The following RIMS1 variants were observed in gnomAD, a reference collection of about 807,000 sequenced individuals.
RIMS1 encodes regulating synaptic membrane exocytosis protein 1.
RIMS1 carries 83 observed loss-of-function variants against 214.1 expected under a neutral mutation model. That is an observed-to-expected ratio of 0.39 (90% confidence interval 0.32 to 0.47). The LOEUF is 0.47. Among genes scored for constraint, RIMS1 ranks in the 20% least tolerant of loss-of-function variants. The pLI is 0.99. For missense variants in RIMS1, 2,050 were observed against 2,161.8 expected (o/e 0.95, Z 1.03); for synonymous variants, 793 against 786.8 (o/e 1.01, Z -0.13).
chr6:71,946,948 G>T (rs1264965369), intron 1 of RIMS1, among the ~76,000 whole-genome samples: 1 of 151,910 alleles, frequency 6.6e-6, no homozygotes, highest in African/African-American at 2.4e-5. Context: ...GTAGCAAAAA[G>T]ATAAATAACC....
chr6:72,354,390 T>A (rs761980390), intron 29 of RIMS1, among the ~76,000 whole-genome samples: 1 of 152,214 alleles, frequency 6.6e-6, no homozygotes, highest in Non-Finnish European at 1.5e-5. Flanking sequence ...CAATTTTTTT[T>A]AATTTTTGTA....
chr6:72,030,017 A>G (rs150452655), intron 2 of RIMS1, among the ~76,000 whole-genome samples: 1 of 152,316 alleles, frequency 6.6e-6, no homozygotes, highest in East Asian at 1.9e-4. Context: ...ACATGCAAGT[A>G]AGGACCCGAG....
rs2072635383 is a variant in RIMS1 at position 72,250,350 on chromosome 6, A to G, written c.2262A>G (p.Lys754=). 1 of 1,608,876 alleles carries G rather than the reference A, an allele frequency of 6.2e-7. No homozygotes were observed. The highest frequency in any genetic ancestry group is 8.5e-7 in the Non-Finnish European group (1 of 1,177,848). Residue 754 remains lysine, a synonymous_variant, in exon 13 of 34, where the codon AAA becomes AAG. Coordinates refer to ENST00000521978, the MANE Select transcript of RIMS1 (RefSeq NM_014989.7). ...CCTAGGTGAAGTTGTGGTATGATAA[A>G]GTGGGACACCAGCTGATTGTAAATG... ...GQLSVKLWYD[K]VGHQLIVNVL...
intron 2 of RIMS1, among the ~76,000 whole-genome samples, chr6:72,058,845 C>G (rs1331547818): frequency 6.6e-6 from 1 of 152,112 alleles, no homozygotes; most frequent in African/African-American, 2.4e-5. Context: ...AAGCAGTGCA[C>G]TTGGTCTGAA....
intron 8 of RIMS1, among the ~76,000 whole-genome samples, 177 bp from the exon 9 acceptor site, chr6:72,237,646 A>G (rs1282940333): frequency 6.6e-6 from 1 of 151,390 alleles, no homozygotes; most frequent in Non-Finnish European, 1.5e-5. Flanking sequence ...ACTGCATTCC[A>G]TCCTGGGTGA....
At chr6:72,157,692 A>C (rs2044627294) in intron 4 of RIMS1, among the ~76,000 whole-genome samples, 1 of 140,172 alleles carries the variant, frequency 7.1e-6, no homozygotes, top group African/African-American at 2.5e-5. Context: ...TAATTAGCAA[A>C]TCATTGGCTT....
intron 27 of RIMS1, 71 bp downstream of exon 27, chr6:72,307,441 GA>G: frequency 2.1e-6 from 2 of 942,456 alleles, no homozygotes; most frequent in Non-Finnish European, 3.2e-6. Flanking sequence ...GGCAGGATTA[GA>G]AAGCACCGAA....
chr6:72,072,883 C>G (rs969478769), intron 2 of RIMS1, among the ~76,000 whole-genome samples: 2 of 152,208 alleles, frequency 1.3e-5, no homozygotes, highest in Admixed American at 6.5e-5. Flanking sequence ...CTGAATTGTT[C>G]TGTCTCCTTG....
At chr6:72,220,199 G>C (rs925848782) in intron 6 of RIMS1, among the ~76,000 whole-genome samples, 1 of 152,048 alleles carries the variant, frequency 6.6e-6, no homozygotes, top group African/African-American at 2.4e-5. Context: ...AATTCTGGGA[G>C]CTAAAGGTAA....
rs537577899 is a variant in RIMS1 at position 72,042,397 on chromosome 6, C to T, written c.246-54552C>T. 7.2e-5 allele frequency among the ~76,000 whole-genome samples: 11 copies of T among 151,906 alleles called. 1 individual carries two copies. In the South Asian group the frequency reaches 2.3e-3, roughly 32 times the overall value. On this transcript the variant is annotated intron_variant, in intron 2 of 33. Transcript: ENST00000521978. ...TTACTTACAAAGATTTTTTAAGATA[C>T]TGGATAAATATAAAACAGTTATAAA...
chr6:72,123,777 A>C (rs139829295), intron 4 of RIMS1, among the ~76,000 whole-genome samples: 1 of 151,730 alleles, frequency 6.6e-6, no homozygotes, highest in Non-Finnish European at 1.5e-5. Context: ...CTGTTTTATC[A>C]GAGACTAGGA....
intron 4 of RIMS1, among the ~76,000 whole-genome samples, chr6:72,114,639 T>A (rs2036721767): frequency 6.6e-6 from 1 of 152,000 alleles, no homozygotes; most frequent in Non-Finnish European, 1.5e-5. Context: ...GTGCTGAAAG[T>A]ATAGTAAGCA....
At chr6:72,030,489 T>C (rs954284505) in intron 2 of RIMS1, among the ~76,000 whole-genome samples, 1 of 152,182 alleles carries the variant, frequency 6.6e-6, no homozygotes, top group African/African-American at 2.4e-5. Context: ...ATGTTAAAAT[T>C]TATAATTGCA....
At chr6:72,150,001 A>G (rs1033579888) in intron 4 of RIMS1, among the ~76,000 whole-genome samples, 2 of 152,192 alleles carry the variant, frequency 1.3e-5, no homozygotes, top group African/African-American at 4.8e-5. Flanking sequence ...TCCAAGAAGA[A>G]TGAGGTTACA....
chr6:72,039,816 T>C (rs191134269), intron 2 of RIMS1, among the ~76,000 whole-genome samples: 4 of 152,182 alleles, frequency 2.6e-5, no homozygotes, highest in East Asian at 1.9e-4. Flanking sequence ...GAGACACTTA[T>C]CTAATACAGG....
intron 6 of RIMS1, among the ~76,000 whole-genome samples, chr6:72,199,916 AAAATAAGG>A (rs1241713051): frequency 3.9e-5 from 6 of 152,244 alleles, no homozygotes; most frequent in Middle Eastern, 3.4e-3. Flanking sequence ...AAAATATCTA[AAAATAAGG>A]TTGGGAAGTA....
At chr6:72,057,754 G>A (rs1291894687) in intron 2 of RIMS1, among the ~76,000 whole-genome samples, 1 of 152,092 alleles carries the variant, frequency 6.6e-6, no homozygotes, top group Non-Finnish European at 1.5e-5. Context: ...TGATCTGCCC[G>A]TCTCGGCCTC....
intron 16 of RIMS1, among the ~76,000 whole-genome samples, chr6:72,254,939 A>G (rs1223103242): frequency 6.6e-6 from 1 of 152,208 alleles, no homozygotes; most frequent in Non-Finnish European, 1.5e-5. Context: ...TTTAGCATTT[A>G]AAAATGTAAT....
chr6:72,359,878 T>G (rs1034633475), intron 29 of RIMS1, among the ~76,000 whole-genome samples: 1 of 152,148 alleles, frequency 6.6e-6, no homozygotes, highest in Non-Finnish European at 1.5e-5. Flanking sequence ...TCCAAAATCA[T>G]GACAACAACC....
Sources: allele counts gnomAD v4.1 joint callset (sites outside exome capture counted in the v4.1 genomes callset), GRCh38; gene constraint gnomAD v4.1.1; transcripts MANE v1.5; gene names NCBI Gene and HGNC (gene_info 2026-07-23, HGNC 2026-07-21).